PPP1R1C: variants seen among roughly 807,000 people sequenced by gnomAD.
PPP1R1C encodes the protein protein phosphatase 1 regulatory subunit 1C.
PPP1R1C carries 15 observed loss-of-function variants against 17.4 expected under a neutral mutation model. The ratio of observed to expected loss-of-function variants is 0.86; its 90% CI spans 0.58 to 1.33. PPP1R1C has a LOEUF of 1.33. PPP1R1C is among the 40% of genes most tolerant of loss of function. The pLI, the probability that PPP1R1C is intolerant of heterozygous loss-of-function variation, is 0.00. For missense variants in PPP1R1C, 143 were observed against 130.0 expected, an observed-to-expected ratio of 1.10 and a Z score of -0.48; for synonymous variants, 35 against 43.1, an observed-to-expected ratio of 0.81 and a Z score of 0.73.
chr2:182,058,408 G>A (rs1328782439), intron 2 of PPP1R1C, among the ~76,000 whole-genome samples: 3 of 152,032 alleles, frequency 2.0e-5, no homozygotes, highest in African/African-American at 7.2e-5. Flanking sequence ...GGATCAACAT[G>A]ATTTATGACT....
At chr2:182,069,274 C>CTTT (rs752186150) in intron 4 of PPP1R1C, among the ~76,000 whole-genome samples, 1 of 142,914 alleles carries the variant, frequency 7.0e-6, no homozygotes, top group African/African-American at 2.6e-5. Context: ...GTCTCGCTTT[C>CTTT]TTTTTTTTTT....
chr2:182,022,391 T>C (rs1408443471), intron 2 of PPP1R1C, among the ~76,000 whole-genome samples: 1 of 152,066 alleles, frequency 6.6e-6, no homozygotes, highest in African/African-American at 2.4e-5. Context: ...ATTAAAAAAG[T>C]AAAACCTGTA....
chr2:182,101,087 G>A (rs1009888295), intron 4 of PPP1R1C, among the ~76,000 whole-genome samples: 1 of 152,186 alleles, frequency 6.6e-6, no homozygotes, highest in Admixed American at 6.5e-5. Context: ...GGAATATCTA[G>A]GGGATAATGT....
At chr2:182,119,903 T>C (rs1689689578), downstream of PPP1R1C, among the ~76,000 whole-genome samples, 1 of 152,212 alleles carries the variant, frequency 6.6e-6, no homozygotes, top group African/African-American at 2.4e-5. Flanking sequence ...AGAAGGTCTT[T>C]AGTTTAATTA....
intron 2 of PPP1R1C, among the ~76,000 whole-genome samples, chr2:182,021,056 G>T (rs1425692095): frequency 6.6e-6 from 1 of 152,094 alleles, no homozygotes. Context: ...TAATACCCTG[G>T]GTGACTTCTC....
intron 5 of PPP1R1C, among the ~76,000 whole-genome samples, chr2:182,122,991 G>A (rs905777838): frequency 6.6e-6 from 1 of 152,124 alleles, no homozygotes; most frequent in African/African-American, 2.4e-5. Flanking sequence ...TTCTCCTAAT[G>A]CTATCCCTCC....
chr2:182,058,205 G>A (rs1482561149), intron 2 of PPP1R1C, among the ~76,000 whole-genome samples: 1 of 151,788 alleles, frequency 6.6e-6, no homozygotes, highest in African/African-American at 2.4e-5. Context: ...GGCTCCTCTT[G>A]GCTATGACAG....
intron 2 of PPP1R1C, among the ~76,000 whole-genome samples, chr2:182,055,099 G>A (rs749256909): frequency 5.3e-5 from 8 of 151,542 alleles, no homozygotes; most frequent in South Asian, 2.1e-4. Context: ...TCTTTGCCTA[G>A]GTTACTTGAA....
chr2:182,039,551 GT>G (rs781653255), intron 2 of PPP1R1C, among the ~76,000 whole-genome samples: 1 of 152,010 alleles, frequency 6.6e-6, no homozygotes, highest in Non-Finnish European at 1.5e-5. Flanking sequence ...TGCCCAGCTA[GT>G]TTTTTGTGTA....
intron 4 of PPP1R1C, among the ~76,000 whole-genome samples, chr2:182,105,089 T>A (rs537316075): frequency 1.3e-5 from 2 of 151,958 alleles, no homozygotes; most frequent in African/African-American, 2.4e-5. Flanking sequence ...GGAAAAAAAA[T>A]GAAGGTTGAA....
intron 2 of PPP1R1C, among the ~76,000 whole-genome samples, chr2:182,011,911 T>A (rs1686097060): frequency 6.6e-6 from 1 of 152,058 alleles, no homozygotes; most frequent in Non-Finnish European, 1.5e-5. Flanking sequence ...TTCTGATGTG[T>A]GTGTGTATAG....
chr2:182,064,369 C>T (rs1462944782), intron 4 of PPP1R1C, among the ~76,000 whole-genome samples: 1 of 152,100 alleles, frequency 6.6e-6, no homozygotes, highest in African/African-American at 2.4e-5. Flanking sequence ...TGACCAACAT[C>T]AGTTCCAGGG....
intron 3 of PPP1R1C, among the ~76,000 whole-genome samples, chr2:182,062,099 C>T (rs572129784): frequency 6.6e-6 from 1 of 152,044 alleles, no homozygotes; most frequent in South Asian, 2.1e-4. Context: ...TAAACTAGTT[C>T]CCAGAAATGA....
chr2:182,106,504 G>C (rs1689257405), intron 4 of PPP1R1C, among the ~76,000 whole-genome samples: 1 of 152,178 alleles, frequency 6.6e-6, no homozygotes. Context: ...CCTGACTCCA[G>C]GGGAAGATCA....
intron 4 of PPP1R1C, among the ~76,000 whole-genome samples, chr2:182,096,102 G>A (rs1354421184): frequency 6.6e-6 from 1 of 152,026 alleles, no homozygotes; most frequent in African/African-American, 2.4e-5. Context: ...CTTCAGAAAT[G>A]AAACCCGAAA....
chr2:182,062,270 G>T (rs1687872523), intron 3 of PPP1R1C, among the ~76,000 whole-genome samples: 2 of 151,912 alleles, frequency 1.3e-5, no homozygotes. Context: ...CAGTAAAAGT[G>T]GAAAAGCTTT....
intron 2 of PPP1R1C, among the ~76,000 whole-genome samples, chr2:182,041,765 C>A (rs1159872482): frequency 1.3e-5 from 2 of 151,878 alleles, no homozygotes; most frequent in Non-Finnish European, 2.9e-5. Context: ...AACATACGTC[C>A]GTATGTTCTT....
intron 4 of PPP1R1C, among the ~76,000 whole-genome samples, chr2:182,106,619 AT>A (rs1276605599): frequency 1.3e-5 from 2 of 152,068 alleles, no homozygotes; most frequent in African/African-American, 4.8e-5. Flanking sequence ...ATGTGATCCA[AT>A]TTTTTTCTTT....
At chr2:181,968,556 A>G (rs1243294597) in intron 1 of PPP1R1C, among the ~76,000 whole-genome samples, 1 of 152,004 alleles carries the variant, frequency 6.6e-6, no homozygotes, top group Non-Finnish European at 1.5e-5. Context: ...GTCTTTTCCC[A>G]TCCCTTTATT....
Sources: gnomAD v4.1 joint callset for allele counts (sites outside exome capture counted in the v4.1 genomes callset) on GRCh38, gnomAD v4.1.1 for gene constraint, MANE v1.5 for transcripts, NCBI Gene and HGNC (gene_info 2026-07-23, HGNC 2026-07-21) for gene names.